The following SLC35F4 variants were observed in gnomAD, a reference collection of about 807,000 sequenced individuals.
SLC35F4 encodes the protein chromosome 14 open reading frame 36.
In SLC35F4, 24 loss-of-function variants were observed where a neutral mutation model predicts 44.2. The observed-to-expected ratio is 0.54, with a 90% CI of 0.39 to 0.76. SLC35F4 has a LOEUF of 0.76. Among genes scored for constraint, SLC35F4 ranks in the 30% least tolerant of loss-of-function variants. The pLI is 0.00. For synonymous variants in SLC35F4, 238 were observed against 223.6 expected, an observed-to-expected ratio of 1.06 and a Z score of -0.57; for missense variants, 562 against 586.1, an observed-to-expected ratio of 0.96 and a Z score of 0.42.
intron 1 of SLC35F4, among the ~76,000 whole-genome samples, chr14:57,607,964 T>G (rs186759479): frequency 5.6e-4 from 86 of 152,258 alleles, no homozygotes; most frequent in Middle Eastern, 6.8e-3. Flanking sequence ...ACTGAATTGA[T>G]AAAACACCAT....
chr14:57,576,278 G>T (rs2068785824), intron 4 of SLC35F4, among the ~76,000 whole-genome samples: 1 of 152,136 alleles, frequency 6.6e-6, no homozygotes, highest in African/African-American at 2.4e-5. Flanking sequence ...TTGCCTTGAG[G>T]CTAATTCTGT....
chr14:57,625,768 A>T (rs1453783297), intron 1 of SLC35F4, among the ~76,000 whole-genome samples: 1 of 152,218 alleles, frequency 6.6e-6, no homozygotes, highest in Non-Finnish European at 1.5e-5. Flanking sequence ...CTGAAACTGG[A>T]TCCTTTCCTT....
upstream of SLC35F4, among the ~76,000 whole-genome samples, chr14:57,866,408 C>T (rs1197870377): frequency 3.3e-5 from 5 of 152,204 alleles, no homozygotes; most frequent in African/African-American, 1.2e-4. Context: ...TTGGCGTCTA[C>T]ACCACCTCTG....
intron 1 of SLC35F4, among the ~76,000 whole-genome samples, chr14:57,928,017 T>C (rs1388427583): frequency 3.3e-5 from 5 of 151,842 alleles, no homozygotes; most frequent in African/African-American, 1.2e-4. Context: ...AAAGGAAAGT[T>C]TTAGACAATA....
Position 57,564,136 on chromosome 14 carries a change from T to C in SLC35F4, c.1457A>G (p.Ter486TrpextTer14). 6.2e-7 allele frequency: 1 copy of C among 1,613,690 alleles called. No homozygotes were observed. The highest frequency in any genetic ancestry group is 1.3e-5 in the African/African-American group (1 of 75,028). Reference sequence around the variant, plus strand: ...CGTGCATTCAAAATATGTCCCTCTCTAAGCCAGTGGTATAGACACTGTCCC... The same window carrying C: ...CGTGCATTCAAAATATGTCCCTCTCCAAGCCAGTGGTATAGACACTGTCCC... ...ANGTVSIPLA[*>W] is the part of the protein sequence containing the mutation. Residue 486 changes from the stop codon to tryptophan, a stop_lost, in exon 8 of 8, where the codon TAG becomes TGG. Transcript: ENST00000556826.
chr14:57,914,047 A>T (rs1386769603), intron 1 of SLC35F4, among the ~76,000 whole-genome samples: 1 of 152,202 alleles, frequency 6.6e-6, no homozygotes, highest in Non-Finnish European at 1.5e-5. Flanking sequence ...GGATGTAGTT[A>T]TCTTTGCTCC....
intron 1 of SLC35F4, among the ~76,000 whole-genome samples, chr14:57,659,466 T>C (rs527939546): frequency 7.2e-5 from 11 of 152,150 alleles, no homozygotes; most frequent in South Asian, 4.2e-4. Context: ...CAGAATTAAA[T>C]AGAAATAGAA....
chr14:57,911,144 G>C (rs1015056771), intron 1 of SLC35F4, among the ~76,000 whole-genome samples: 1 of 151,822 alleles, frequency 6.6e-6, no homozygotes, highest in Non-Finnish European at 1.5e-5. Flanking sequence ...TGCTATAATT[G>C]CTTATAAGTT....
intron 1 of SLC35F4, among the ~76,000 whole-genome samples, chr14:57,786,499 C>A (rs2077763211): frequency 2.0e-5 from 3 of 152,180 alleles, no homozygotes; most frequent in Non-Finnish European, 4.4e-5. Flanking sequence ...AAGCTAAGAA[C>A]CCTCACGGAG....
rs1888141193 is a variant in SLC35F4, at chr14:57,866,037, C to T, written c.-212G>A. On this transcript the variant is annotated 5_prime_UTR_variant, in exon 1 of 8. Transcript: ENST00000556826. ...CGGAGCGGCCCCCACTCGGGCCGGC[C>T]TCTCCGTCAGCCTGGCAGCTCTCCC... is the stretch of plus-strand genomic sequence containing the variant. The T allele has an allele frequency of 2.2e-5, 7 of 312,012 alleles. No homozygotes were observed. The allele number at this position is 312,012 out of a possible 1,614,324, so 19.3% of individuals were successfully genotyped here. A position where few individuals can be genotyped will look rare whatever the true frequency, so the allele number is the denominator to read the frequency against.
chr14:57,914,132 A>G (rs1398661620), intron 1 of SLC35F4, among the ~76,000 whole-genome samples: 2 of 152,230 alleles, frequency 1.3e-5, no homozygotes, highest in Non-Finnish European at 2.9e-5. Flanking sequence ...ACTTAAGGAA[A>G]AAAATATTCT....
At chr14:57,867,572 A>G (rs1888202942), upstream of SLC35F4, among the ~76,000 whole-genome samples, 2 of 150,110 alleles carry the variant, frequency 1.3e-5, no homozygotes, top group Non-Finnish European at 3.0e-5. Flanking sequence ...CTAGCCATAT[A>G]AAGCAAAAAT....
intron 1 of SLC35F4, among the ~76,000 whole-genome samples, chr14:57,940,724 A>G (rs1026139605): frequency 1.3e-5 from 2 of 152,108 alleles, no homozygotes; most frequent in African/African-American, 4.8e-5. Context: ...CTCTTCTTCC[A>G]TCACAAGCAA....
At chr14:57,728,546 T>C (rs997071799) in intron 1 of SLC35F4, among the ~76,000 whole-genome samples, 1 of 138,926 alleles carries the variant, frequency 7.2e-6, no homozygotes, top group East Asian at 2.3e-4. Flanking sequence ...CCTCCCAGGT[T>C]CAAGTGATTC....
intron 1 of SLC35F4, among the ~76,000 whole-genome samples, chr14:57,836,739 C>A (rs1217552682): frequency 6.6e-6 from 1 of 152,108 alleles, no homozygotes; most frequent in Non-Finnish European, 1.5e-5. Context: ...TAAGCACCAC[C>A]GCTACCTCCA....
At chr14:57,632,353 CAT>C (rs1287030053) in intron 1 of SLC35F4, among the ~76,000 whole-genome samples, 1 of 151,244 alleles carries the variant, frequency 6.6e-6, no homozygotes, top group African/African-American at 2.4e-5. Context: ...ATCAAGCAAA[CAT>C]GTTATAATAA....
At chr14:57,858,089 A>C (rs182754536) in intron 1 of SLC35F4, among the ~76,000 whole-genome samples, 1 of 152,116 alleles carries the variant, frequency 6.6e-6, no homozygotes, top group Non-Finnish European at 1.5e-5. Context: ...GTGGGACTGT[A>C]AACTAGTTCA....
At chr14:57,766,122 C>T (rs957357353) in intron 1 of SLC35F4, among the ~76,000 whole-genome samples, 2 of 152,156 alleles carry the variant, frequency 1.3e-5, no homozygotes, top group Non-Finnish European at 2.9e-5. Context: ...TCCTATTTGC[C>T]TATAGCCCAG....
chr14:57,662,851 T>C (rs944486298), intron 1 of SLC35F4, among the ~76,000 whole-genome samples: 1 of 152,100 alleles, frequency 6.6e-6, no homozygotes, highest in African/African-American at 2.4e-5. Context: ...GAATGAACTG[T>C]ACTTATTTGC....
Sources: gnomAD v4.1 joint callset for allele counts (sites outside exome capture counted in the v4.1 genomes callset) on GRCh38, gnomAD v4.1.1 for gene constraint, MANE v1.5 for transcripts, NCBI Gene and HGNC (gene_info 2026-07-23, HGNC 2026-07-21) for gene names.